Variants in GPBAR1 observed in about 807,000 individuals in gnomAD.
GPBAR1 encodes the protein G protein-coupled bile acid receptor 1.
GPBAR1 carries 13 observed loss-of-function variants against 13.0 expected under a neutral mutation model. The ratio of observed to expected loss-of-function variants is 1.00; its 90% CI spans 0.65 to 1.59. The LOEUF is 1.59. GPBAR1 is among the 40% of genes most tolerant of loss of function. The pLI, the probability that GPBAR1 is intolerant of heterozygous loss-of-function variation, is 0.00. For synonymous variants in GPBAR1, 193 were observed against 205.2 expected, an observed-to-expected ratio of 0.94 and a Z score of 0.51; for missense variants, 398 against 436.4, an observed-to-expected ratio of 0.91 and a Z score of 0.78.
At position 218,262,709 on chromosome 2, in the gene GPBAR1, T is replaced by G. The variant is rs754234858; in HGVS notation, c.-16T>G. On this transcript the variant is annotated 5_prime_UTR_variant, in exon 2 of 2. Transcript: ENST00000519574. This position sits in a 1 kb window ranked among gnomAD's most constrained non-coding sequence, Gnocchi z 5.1. ...GCCGGCTGCCGCTCCAGGACTCCCC[T>G]GTCCCCAGGACCAAGATGACGCCCA... The G allele has an allele frequency of 1.6e-5, 25 of 1,557,620 alleles. No homozygotes were observed. The African/African-American group carries it at 2.4e-4, about 15-fold the overall frequency.
At position 218,262,901 on chromosome 2, in the gene GPBAR1, G is replaced by C; in HGVS notation, c.177G>C (p.Leu59=). ...PAGCFFLSLL[L]AGLLTGLALP... ...GCTGCTTCTTCCTGAGCCTACTGCT[G>C]GCTGGGCTGCTCACGGGTCTGGCAT... is the stretch of plus-strand genomic sequence containing the variant. Residue 59 remains leucine (L), a synonymous_variant, in exon 2 of 2, where the codon CTG becomes CTC. Coordinates refer to ENST00000519574, the MANE Select transcript of GPBAR1 (RefSeq NM_170699.3). This position sits in a 1 kb window ranked among gnomAD's most constrained non-coding sequence, Gnocchi z 5.1. 1.2e-6 allele frequency: 2 copies of C among 1,613,696 alleles called. No homozygotes were observed. The highest frequency in any genetic ancestry group is 1.7e-6 in the Non-Finnish European group (2 of 1,179,774).
intron 1 of GPBAR1, among the ~76,000 whole-genome samples, chr2:218,261,710 C>G (rs1690420296): frequency 6.6e-6 from 1 of 152,118 alleles, no homozygotes; most frequent in Non-Finnish European, 1.5e-5. Context: ...ATCCCCTGTC[C>G]TGGAGGAGGG....
rs777085891 is a variant in GPBAR1, at chr2:218,263,580, C to G, written c.856C>G (p.Arg286Gly). 4 of 1,612,460 alleles carry G rather than the reference C, an allele frequency of 2.5e-6. No homozygotes were observed. In the Middle Eastern group the frequency reaches 4.9e-4, roughly 199 times the overall value. Residue 286 changes from arginine (R) to glycine (G), a missense_variant, in exon 2 of 2, where the codon CGC becomes GGC. By Grantham distance (125) the Arg-to-Gly change is moderately radical. Transcript: ENST00000519574. The surrounding 1 kb of genome is among the most constrained non-coding windows in gnomAD (Gnocchi z 4.2). ...CGTAGCCATGGGGCTGGGCGATCAGCGCTACACAGCCCCCTGGAGGGCAGC... is the reference window on the plus strand; with the variant it reads ...CGTAGCCATGGGGCTGGGCGATCAGGGCTACACAGCCCCCTGGAGGGCAGC... ...VPVAMGLGDQ[R>G]YTAPWRAAAQ... is the part of the protein sequence containing the mutation.
Position 218,263,444 on chromosome 2 carries a change from C to G in GPBAR1, c.720C>G (p.Tyr240Ter). 6.2e-7 allele frequency: 1 copy of G among 1,602,818 alleles called. No homozygotes were observed. Among genetic ancestry groups the G allele is most frequent in the South Asian group, 1.1e-5 (1 of 89,624 alleles). The change falls in exon 2 of 2, where the codon TAC becomes TAG. Residue 240 changes from tyrosine to a stop codon, truncating the protein, a stop_gained. Coordinates refer to ENST00000519574, the MANE Select transcript of GPBAR1 (RefSeq NM_170699.3). LOFTEE classifies it high-confidence loss of function. This position sits in a 1 kb window ranked among gnomAD's most constrained non-coding sequence, Gnocchi z 4.2. Reference sequence around the variant, plus strand: ...TCTTCGGGCTGTGCTGGGGGCCCTACGTGGCCACACTGCTCCTCTCAGTCC... The same window carrying G: ...TCTTCGGGCTGTGCTGGGGGCCCTAGGTGGCCACACTGCTCCTCTCAGTCC... Reference protein sequence around the residue: ...MLLFGLCWGPYVATLLLSVLA... With the variant: ...MLLFGLCWGP
At chr2:218,259,593 C>T (rs1224905727), upstream of GPBAR1, 2 of 152,348 alleles carry the variant, frequency 1.3e-5, no homozygotes, top group East Asian at 3.9e-4. Context: ...TGGATGCTTT[C>T]CTCTTCCCAC....
chr2:218,262,494 T>C lies in GPBAR1; in HGVS notation c.-45-186T>C, dbSNP rs1690451145. On this transcript the variant is annotated intron_variant, in intron 1 of 1. Coordinates refer to ENST00000519574, the MANE Select transcript of GPBAR1 (RefSeq NM_170699.3). The surrounding 1 kb of genome is among the most constrained non-coding windows in gnomAD (Gnocchi z 5.1). ...ACATATGTGTTGCCAGACCTGAATT[T>C]TCAATAGAAACCAAAGATAGTTTTT... 2 of 570,618 alleles carry C rather than the reference T, an allele frequency of 3.5e-6. No homozygotes were observed. Among genetic ancestry groups the C allele is most frequent in the South Asian group, 4.9e-5 (2 of 40,858 alleles). The allele number at this position is 570,618 out of a possible 1,614,324, so 35.3% of individuals were successfully genotyped here.
At chr2:218,260,520 C>G (rs529402767), upstream of GPBAR1, among the ~76,000 whole-genome samples, 2 of 152,338 alleles carry the variant, frequency 1.3e-5, no homozygotes, top group South Asian at 2.1e-4. Flanking sequence ...ATGGTCACAT[C>G]CCCAGAGCCA....
In GPBAR1 at chr2:218,263,232, G is replaced by A. The variant is rs755488291; in HGVS notation, c.508G>A (p.Val170Ile). 5.6e-6 allele frequency: 9 copies of A among 1,608,204 alleles called. No individual in the cohort carries two copies. In the South Asian group the frequency reaches 9.9e-5, roughly 18 times the overall value. The stretch of plus-strand genomic sequence containing the variant: ...CCCAGCCCCCTACCTGTACCTCGAA[G>A]TCTATGGGCTCCTGCTGCCCGCCGT... ...IFPAPYLYLE[V>I]YGLLLPAVGA... is the part of the protein sequence containing the mutation. The change falls in exon 2 of 2, where the codon GTC becomes ATC. Residue 170 changes from valine (V) to isoleucine (I), a missense_variant. Transcript: ENST00000519574. The surrounding 1 kb of genome is among the most constrained non-coding windows in gnomAD (Gnocchi z 4.2).
rs759881264 is a variant in GPBAR1, at chr2:218,262,792, C to T, written c.68C>T (p.Ala23Val). 6.2e-7 allele frequency: 1 copy of T among 1,612,344 alleles called. No individual in the cohort carries two copies. The highest frequency in any genetic ancestry group is 8.5e-7 in the Non-Finnish European group (1 of 1,179,332). Residue 23 changes from alanine (A) to valine (V), a missense_variant, in exon 2 of 2, where the codon GCC (alanine) becomes GTC (valine). Transcript: ENST00000519574. The surrounding 1 kb of genome is among the most constrained non-coding windows in gnomAD (Gnocchi z 5.1). ...IPKGALGLSLALASLIITANL... is the reference protein window; with the variant it reads ...IPKGALGLSLVLASLIITANL... ...AAGGGGGCTTTGGGGCTCTCCCTGG[C>T]CCTGGCAAGCCTCATCATCACCGCG...
Position 218,263,814 on chromosome 2 carries a change from C to T in GPBAR1, c.*97C>T. 7.0e-7 allele frequency: 1 copy of T among 1,425,268 alleles called. No individual in the cohort carries two copies. The highest frequency in any genetic ancestry group is 1.8e-4 in the Middle Eastern group (1 of 5,554). 88.3% of individuals were successfully genotyped at this position (1,425,268 alleles called of 1,614,324 possible). On this transcript the variant is annotated 3_prime_UTR_variant, in exon 2 of 2. Coordinates refer to ENST00000519574, the MANE Select transcript of GPBAR1 (RefSeq NM_170699.3). The surrounding 1 kb of genome is among the most constrained non-coding windows in gnomAD (Gnocchi z 4.2). Reference sequence around the variant, plus strand: ...CCACTTCTCTGGATCAGAGACCCTGCCTCTGTTTGACCCCGCACTGACTGA... The same window carrying T: ...CCACTTCTCTGGATCAGAGACCCTGTCTCTGTTTGACCCCGCACTGACTGA...
At position 218,262,535 on chromosome 2, in the gene GPBAR1, T is replaced by C. The variant is rs962797403; in HGVS notation, c.-45-145T>C. 7 of 595,378 alleles carry C rather than the reference T, an allele frequency of 1.2e-5. No individual in the cohort carries two copies. Among genetic ancestry groups the C allele is most frequent in the African/African-American group, 7.4e-5 (4 of 53,968 alleles). 36.9% of individuals were successfully genotyped at this position (595,378 alleles called of 1,614,324 possible). A position where few individuals can be genotyped will look rare whatever the true frequency, so the allele number is the denominator to read the frequency against. Reference sequence around the variant, plus strand: ...GATAGTTTTTTATATAAATGTTTAATTGGCAATTAATTGAAAAATTCTGTG... The same window carrying C: ...GATAGTTTTTTATATAAATGTTTAACTGGCAATTAATTGAAAAATTCTGTG... On this transcript the variant is annotated intron_variant, in intron 1 of 1. Coordinates refer to ENST00000519574, the MANE Select transcript of GPBAR1 (RefSeq NM_170699.3). This position sits in a 1 kb window ranked among gnomAD's most constrained non-coding sequence, Gnocchi z 5.1.
chr2:218,260,336 A>G (rs1213676897), upstream of GPBAR1, among the ~76,000 whole-genome samples: 1 of 152,178 alleles, frequency 6.6e-6, no homozygotes, highest in Non-Finnish European at 1.5e-5. Context: ...GGGGGAGGAA[A>G]GAGAGGGAGC....
At position 218,263,695 on chromosome 2, in the gene GPBAR1, G is replaced by A; in HGVS notation, c.971G>A (p.Ser324Asn). Residue 324 changes from serine to asparagine, a missense_variant, in exon 2 of 2, where the codon AGT becomes AAT. Ser to Asn is a conservative substitution (Grantham distance 46, BLOSUM62 1). Coordinates refer to ENST00000519574, the MANE Select transcript of GPBAR1 (RefSeq NM_170699.3). The surrounding 1 kb of genome is among the most constrained non-coding windows in gnomAD (Gnocchi z 4.2). ...GCCTACCACCCAAGCAGCCAAAGCAGTGTCGACCTGGACTTGAACTAAAGG... is the reference window on the plus strand; with the variant it reads ...GCCTACCACCCAAGCAGCCAAAGCAATGTCGACCTGGACTTGAACTAAAGG... ...SIAYHPSSQS[S>N]VDLDLN 1.2e-6 allele frequency: 2 copies of A among 1,612,972 alleles called. No homozygotes were observed. The highest frequency in any genetic ancestry group is 1.7e-6 in the Non-Finnish European group (2 of 1,179,886).
rs373065865 is a variant in GPBAR1 at position 218,263,494 on chromosome 2, T to G, written c.770T>G (p.Leu257Arg). 1.2e-6 allele frequency: 2 copies of G among 1,610,760 alleles called. No homozygotes were observed. The highest frequency in any genetic ancestry group is 2.7e-5 in the African/African-American group (2 of 74,876). Residue 257 changes from leucine to arginine, a missense_variant, in exon 2 of 2, where the codon CTG becomes CGG. Leu to Arg is a moderately radical substitution (Grantham distance 102). Transcript: ENST00000519574. The surrounding 1 kb of genome is among the most constrained non-coding windows in gnomAD (Gnocchi z 4.2). Reference protein sequence around the residue: ...SVLAYEQRPPLGPGTLLSLLS... With the variant: ...SVLAYEQRPPRGPGTLLSLLS... ...CTGGCCTATGAGCAGCGCCCGCCAC[T>G]GGGGCCTGGGACACTGTTGTCCCTC...
At position 218,262,398 on chromosome 2, in the gene GPBAR1, T is replaced by G; in HGVS notation, c.-45-282T>G. On this transcript the variant is annotated intron_variant, in intron 1 of 1. Coordinates refer to ENST00000519574, the MANE Select transcript of GPBAR1 (RefSeq NM_170699.3). This position sits in a 1 kb window ranked among gnomAD's most constrained non-coding sequence, Gnocchi z 5.1. ...AGAAAAGGCAGATACCAGAAATGGATAAAGCTGGCTGGGTGGGGACTGTCC... is the reference window on the plus strand; with the variant it reads ...AGAAAAGGCAGATACCAGAAATGGAGAAAGCTGGCTGGGTGGGGACTGTCC... The G allele has an allele frequency of 3.3e-6, 1 of 303,520 alleles. No homozygotes were observed. Among genetic ancestry groups the G allele is most frequent in the Non-Finnish European group, 6.1e-6 (1 of 162,952 alleles). The allele number at this position is 303,520 out of a possible 1,614,324, so 18.8% of individuals were successfully genotyped here.
At chr2:218,261,400 T>C (rs1041094504) in intron 1 of GPBAR1, among the ~76,000 whole-genome samples, 184 bp downstream of exon 1, 1 of 152,124 alleles carries the variant, frequency 6.6e-6, no homozygotes, top group African/African-American at 2.4e-5. Context: ...GGGGGAATCA[T>C]TCCGATTAGG....
chr2:218,263,624 G>A lies in GPBAR1; in HGVS notation c.900G>A (p.Gln300=), dbSNP rs1222598377. The A allele has an allele frequency of 1.2e-6, 2 of 1,612,870 alleles. No homozygotes were observed. The highest frequency in any genetic ancestry group is 2.2e-5 in the East Asian group (1 of 44,884). ...PWRAAAQRCL[Q]GLWGRASRDS... ...GGGCAGCCGCCCAAAGGTGCCTGCA[G>A]GGGCTGTGGGGAAGAGCCTCCCGGG... The change falls in exon 2 of 2, where the codon CAG becomes CAA. Residue 300 remains glutamine, a synonymous_variant. Transcript: ENST00000519574. The surrounding 1 kb of genome is among the most constrained non-coding windows in gnomAD (Gnocchi z 4.2).
At chr2:218,259,780 C>T (rs1690368357), upstream of GPBAR1, 1 of 152,356 alleles carries the variant, frequency 6.6e-6, no homozygotes, top group South Asian at 2.1e-4. Flanking sequence ...TAATGTCTCA[C>T]CCCCAGTCCC....
Position 218,262,710 on chromosome 2 carries a change from G to C in GPBAR1, c.-15G>C. 4 of 1,559,254 alleles carry C rather than the reference G, an allele frequency of 2.6e-6. No individual in the cohort carries two copies. The highest frequency in any genetic ancestry group is 1.2e-5 in the South Asian group (1 of 84,256). On this transcript the variant is annotated 5_prime_UTR_variant, in exon 2 of 2. Transcript: ENST00000519574. The surrounding 1 kb of genome is among the most constrained non-coding windows in gnomAD (Gnocchi z 5.1). ...CCGGCTGCCGCTCCAGGACTCCCCT[G>C]TCCCCAGGACCAAGATGACGCCCAA...
Sources: gnomAD v4.1 joint callset for allele counts (sites outside exome capture counted in the v4.1 genomes callset) on GRCh38, gnomAD v4.1.1 for gene constraint, Gnocchi (gnomAD v3.1) non-coding constraint, MANE v1.5 for transcripts, NCBI Gene and HGNC (gene_info 2026-07-23, HGNC 2026-07-21) for gene names.